MECOM: variants seen among roughly 807,000 people sequenced by gnomAD.
MECOM encodes histone-lysine N-methyltransferase MECOM.
Under a neutral mutation model 116.3 loss-of-function variants are expected in MECOM, and 13 were observed. That is an observed-to-expected ratio of 0.11 (90% CI 0.07 to 0.18). The LOEUF (loss-of-function observed/expected upper bound fraction) is 0.18. MECOM is among the 10% of genes least tolerant of loss of function. MECOM has a pLI of 1.00. For missense variants in MECOM, 1,299 were observed against 1,509.0 expected, an observed-to-expected ratio of 0.86 and a Z score of 2.31; for synonymous variants, 528 against 535.2, an observed-to-expected ratio of 0.99 and a Z score of 0.19.
chr3:169,196,601 T>C (rs766490805), intron 2 of MECOM, among the ~76,000 whole-genome samples: 1 of 151,970 alleles, frequency 6.6e-6, no homozygotes, highest in Non-Finnish European at 1.5e-5. Flanking sequence ...AAAAAATGAG[T>C]AGCATTCACA....
chr3:169,616,747 C>A (rs1033665659), intron 1 of MECOM, among the ~76,000 whole-genome samples: 6 of 152,170 alleles, frequency 3.9e-5, no homozygotes, highest in Non-Finnish European at 5.9e-5. Flanking sequence ...ATCTACAAAG[C>A]CACCCTTTAG....
rs1165167849 is a variant in MECOM, at chr3:169,507,650, CTTTTTTTTTT to C, written c.38-126136_38-126127del. ...CAATTTTGGTTTAAATCCCCACTTGCTTTTTTTTTTTTTTTTTTTTTTTTTTTTTGAGATG... is the reference window on the plus strand; with the variant it reads ...CAATTTTGGTTTAAATCCCCACTTGCTTTTTTTTTTTTTTTTTTTGAGATG... On this transcript the variant is annotated intron_variant, in intron 1 of 16. Transcript: ENST00000651503. Among the ~76,000 whole-genome samples, 26 of 57,148 alleles carry C rather than the reference CTTTTTTTTTT, an allele frequency of 4.5e-4. 1 individual carries two copies. The East Asian group carries it at 4.7e-3, about 10-fold the overall frequency. 37.5% of individuals were successfully genotyped at this position (57,148 alleles called of 152,430 possible).
At chr3:169,302,374 G>C (rs1054522886) in intron 2 of MECOM, among the ~76,000 whole-genome samples, 1 of 152,290 alleles carries the variant, frequency 6.6e-6, no homozygotes, top group East Asian at 1.9e-4. Flanking sequence ...AAATGGCAGA[G>C]TTTGTTTCCC....
At chr3:169,472,166 A>G (rs1322524837) in intron 1 of MECOM, among the ~76,000 whole-genome samples, 1 of 151,996 alleles carries the variant, frequency 6.6e-6, no homozygotes, top group Non-Finnish European at 1.5e-5. Flanking sequence ...ATACCCAATA[A>G]ATATACACAC....
At chr3:169,525,707 C>T (rs886167921) in intron 1 of MECOM, among the ~76,000 whole-genome samples, 2 of 152,164 alleles carry the variant, frequency 1.3e-5, no homozygotes, top group African/African-American at 4.8e-5. Flanking sequence ...CCTGTGTAAA[C>T]TCAGAAACAG....
chr3:169,546,700 C>G (rs141919674), intron 1 of MECOM, among the ~76,000 whole-genome samples: 1,552 of 152,128 alleles, frequency 0.01, 30 homozygotes, highest in African/African-American at 0.034. Flanking sequence ...TTCTACTTCC[C>G]CATCTCTAAA....
chr3:169,160,520 A>C (rs1475554286), intron 2 of MECOM, among the ~76,000 whole-genome samples: 1 of 148,442 alleles, frequency 6.7e-6, no homozygotes, highest in Admixed American at 6.8e-5. Context: ...TATATTGTAT[A>C]ATAATATATT....
intron 8 of MECOM, among the ~76,000 whole-genome samples, chr3:169,113,365 T>TC: frequency 7.4e-6 from 1 of 136,004 alleles, no homozygotes; most frequent in African/African-American, 3.8e-5. Context: ...CTCTTTGAGG[T>TC]TCTCTCTCTC....
At position 169,558,122 on chromosome 3, in the gene MECOM, C is replaced by G. The variant is rs540897357; in HGVS notation, c.37+105214G>C. 3.3e-5 allele frequency among the ~76,000 whole-genome samples: 5 copies of G among 152,256 alleles called. No homozygotes were observed. In the East Asian group the frequency reaches 9.6e-4, roughly 29 times the overall value. ...GAAAATAATCATTCCAAATGGTTCT[C>G]CCTGCTATGATTCACCACGGTGAAT... On this transcript the variant is annotated intron_variant, in intron 1 of 16. Transcript: ENST00000651503.
At position 169,143,691 on chromosome 3, in the gene MECOM, A is replaced by C. The variant is rs1301655893; in HGVS notation, c.510+7T>G. 1 of 1,589,382 alleles carries C rather than the reference A, an allele frequency of 6.3e-7. No homozygotes were observed. Among genetic ancestry groups the C allele is most frequent in the South Asian group, 1.1e-5 (1 of 87,026 alleles). On this transcript the variant is annotated splice_region_variant and intron_variant, in intron 3 of 16. Transcript: ENST00000651503. ...CAAGGAAAGACAAGAAAATCTTTAC[A>C]ACATACCTGATCATTTATCTGGCAT...
chr3:169,422,374 A>G (rs934679325), intron 1 of MECOM, among the ~76,000 whole-genome samples: 5 of 152,148 alleles, frequency 3.3e-5, no homozygotes, highest in African/African-American at 1.2e-4. Flanking sequence ...AAAAGCAAAT[A>G]CATAAAACTA....
chr3:169,259,164 A>C lies in MECOM; in HGVS notation c.376-115332T>G, dbSNP rs578079066. 1.6e-4 allele frequency among the ~76,000 whole-genome samples: 25 copies of C among 152,340 alleles called. No individual in the cohort carries two copies. The South Asian group carries it at 2.3e-3, about 14-fold the overall frequency. ...TATGTGGCCAAGGTGGCCAAGACAG[A>C]AGCCAGGACAAAAAGAAAAAGGGCC... On this transcript the variant is annotated intron_variant, in intron 2 of 16. Coordinates refer to ENST00000651503, the MANE Select transcript of MECOM (RefSeq NM_004991.4).
rs200628251 is a variant in MECOM at position 169,472,464 on chromosome 3, GAAGGAAAGGAAAGGAAAGGA to G, written c.38-90960_38-90941del. Among the ~76,000 whole-genome samples, 344 of 64,126 alleles carry G rather than the reference GAAGGAAAGGAAAGGAAAGGA, an allele frequency of 5.4e-3. 5 individuals carry two copies. The highest frequency in any genetic ancestry group is 0.046 in the South Asian group (76 of 1,658). 42.1% of individuals were successfully genotyped at this position (64,126 alleles called of 152,430 possible). ...GGAGAGAAAAGGAAAGGAAGGGAAA[GAAGGAAAGGAAAGGAAAGGA>G]AAGGAAAGGAAAGGAAAGGAAAGGA... On this transcript the variant is annotated intron_variant, in intron 1 of 16. Coordinates refer to ENST00000651503, the MANE Select transcript of MECOM (RefSeq NM_004991.4).
In MECOM at chr3:169,663,616, C is replaced by G. The variant is rs957969995; in HGVS notation, c.-244G>C. 3.5e-6 allele frequency: 2 copies of G among 573,772 alleles called. No individual in the cohort carries two copies. The highest frequency in any genetic ancestry group is 2.9e-5 in the East Asian group (1 of 34,844). 35.5% of individuals were successfully genotyped at this position (573,772 alleles called of 1,614,324 possible). On this transcript the variant is annotated 5_prime_UTR_variant, in exon 1 of 17. Coordinates refer to ENST00000651503, the MANE Select transcript of MECOM (RefSeq NM_004991.4). ...CTTCTTTCACTCTCTCTCCCTCCCT[C>G]TCTCCCTTTCTCTCAATCCACACTC...
chr3:169,218,118 T>A (rs578051231), intron 2 of MECOM, among the ~76,000 whole-genome samples: 280 of 152,120 alleles, frequency 1.8e-3, no homozygotes, highest in African/African-American at 6.5e-3. Flanking sequence ...AGAAGAGAAA[T>A]ATATTTTTAT....
At chr3:169,351,532 T>C (rs1438420153) in intron 2 of MECOM, among the ~76,000 whole-genome samples, 2 of 151,894 alleles carry the variant, frequency 1.3e-5, no homozygotes, top group Non-Finnish European at 2.9e-5. Context: ...AGTTAATACC[T>C]AAAATGAATG....
intron 1 of MECOM, among the ~76,000 whole-genome samples, chr3:169,654,299 A>G (rs1030545715): frequency 6.6e-6 from 1 of 152,204 alleles, no homozygotes; most frequent in African/African-American, 2.4e-5. Flanking sequence ...GATAATAAAC[A>G]GAGCAAAGTA....
intron 1 of MECOM, among the ~76,000 whole-genome samples, chr3:169,541,796 T>TGCAG (rs775487613): frequency 6.6e-6 from 1 of 152,196 alleles, no homozygotes. Flanking sequence ...GACAGTAGCC[T>TGCAG]GCAAAGACTC....
At chr3:169,114,207 TC>T (rs970040304) in intron 8 of MECOM, among the ~76,000 whole-genome samples, 64 of 152,330 alleles carry the variant, frequency 4.2e-4, no homozygotes, top group African/African-American at 1.5e-3. Context: ...TTCTTTTTTT[TC>T]CTTCTCTGGT....
Sources: gnomAD v4.1 joint callset for allele counts (sites outside exome capture counted in the v4.1 genomes callset) on GRCh38, gnomAD v4.1.1 for gene constraint, MANE v1.5 for transcripts, NCBI Gene and HGNC (gene_info 2026-07-23, HGNC 2026-07-21) for gene names.